The following HPSE2 variants were observed in gnomAD, a reference collection of about 807,000 sequenced individuals.
HPSE2 encodes the protein inactive heparanase-2.
HPSE2 carries 38 observed loss-of-function variants against 60.5 expected under a neutral mutation model. The ratio of observed to expected loss-of-function variants is 0.63; its 90% confidence interval spans 0.48 to 0.82. The LOEUF is 0.82. Among genes scored for constraint, HPSE2 ranks in the 40% least tolerant of loss-of-function variants. The pLI is 0.00. For synonymous variants in HPSE2, 295 were observed against 293.2 expected, an observed-to-expected ratio of 1.01 and a Z score of -0.06; for missense variants, 713 against 740.4, an observed-to-expected ratio of 0.96 and a Z score of 0.43.
intron 2 of HPSE2, among the ~76,000 whole-genome samples, chr10:99,197,693 A>G (rs1472872094): frequency 6.6e-6 from 1 of 152,226 alleles, no homozygotes; most frequent in Non-Finnish European, 1.5e-5. Flanking sequence ...AAGATAAACA[A>G]GACAGAGAGA....
intron 10 of HPSE2, 118 bp from the exon 11 acceptor site, chr10:98,482,900 T>C (rs1169979269): frequency 4.7e-6 from 5 of 1,070,198 alleles, no homozygotes; most frequent in South Asian, 1.3e-5. Context: ...ACTTAAAAAC[T>C]TGGCCACCAT....
At chr10:98,610,072 A>G (rs913698125) in intron 9 of HPSE2, among the ~76,000 whole-genome samples, 3 of 151,604 alleles carry the variant, frequency 2.0e-5, no homozygotes, top group Non-Finnish European at 4.4e-5. Context: ...CAATCCCCTG[A>G]CCTCGTGATC....
At chr10:98,947,315 C>CCTAT (rs1955215523) in intron 3 of HPSE2, among the ~76,000 whole-genome samples, 1 of 151,982 alleles carries the variant, frequency 6.6e-6, no homozygotes, top group Admixed American at 6.6e-5. Flanking sequence ...GAAAGGCATA[C>CCTAT]CTATAGACTA....
chr10:99,031,203 T>G (rs1287219871), intron 3 of HPSE2, among the ~76,000 whole-genome samples: 1 of 152,290 alleles, frequency 6.6e-6, no homozygotes, highest in Middle Eastern at 3.4e-3. Context: ...TTCTCCAAGA[T>G]GTGCTTATTT....
intron 9 of HPSE2, among the ~76,000 whole-genome samples, chr10:98,561,582 T>G (rs1320046354): frequency 1.3e-5 from 2 of 152,208 alleles, no homozygotes; most frequent in Non-Finnish European, 2.9e-5. Flanking sequence ...GTGCAGTGGC[T>G]CATGCCTATA....
chr10:98,600,891 ACG>A (rs1178747279), intron 9 of HPSE2, among the ~76,000 whole-genome samples: 9 of 46,890 alleles, frequency 1.9e-4, no homozygotes, highest in South Asian at 1.9e-3. Context: ...ATACATATAT[ACG>A]TATATATATG....
At chr10:98,696,127 CA>C (rs1184371428) in intron 5 of HPSE2, among the ~76,000 whole-genome samples, 1 of 151,826 alleles carries the variant, frequency 6.6e-6, no homozygotes, top group African/African-American at 2.4e-5. Context: ...AAAACCTAGA[CA>C]ATCTTAGACA....
At chr10:98,657,885 T>C (rs1162754579) in intron 6 of HPSE2, among the ~76,000 whole-genome samples, 1 of 152,216 alleles carries the variant, frequency 6.6e-6, no homozygotes, top group East Asian at 1.9e-4. Flanking sequence ...GTTGGTAAGG[T>C]TGAAAAATTA....
intron 3 of HPSE2, among the ~76,000 whole-genome samples, chr10:99,087,972 T>A (rs1373971961): frequency 6.6e-6 from 1 of 151,610 alleles, no homozygotes; most frequent in East Asian, 1.9e-4. Context: ...CCCCTTCTCA[T>A]TAATTCTCTA....
chr10:99,102,069 G>T (rs1163662173), intron 3 of HPSE2, among the ~76,000 whole-genome samples: 2 of 151,490 alleles, frequency 1.3e-5, no homozygotes. Context: ...ATCACAATTA[G>T]AACTAGAGAA....
At chr10:98,889,922 A>G (rs118004720) in intron 3 of HPSE2, among the ~76,000 whole-genome samples, 2,339 of 152,322 alleles carry the variant, frequency 0.015, 24 homozygotes, top group Middle Eastern at 0.058. Flanking sequence ...AGAATGGAGA[A>G]CTGCTATAAA....
chr10:99,294,403 A>C, the HPSE2 span, among the ~76,000 whole-genome samples: 2 of 146,426 alleles, frequency 1.4e-5, no homozygotes, highest in Middle Eastern at 3.3e-3. Context: ...ATAATATATA[A>C]ATATATAATA....
At chr10:98,563,782 T>G (rs561795003) in intron 9 of HPSE2, among the ~76,000 whole-genome samples, 1 of 152,116 alleles carries the variant, frequency 6.6e-6, no homozygotes, top group Non-Finnish European at 1.5e-5. Context: ...ACTAGGGTCA[T>G]TTTCAATATT....
chr10:98,774,418 T>C (rs189218807), intron 3 of HPSE2, among the ~76,000 whole-genome samples: 2 of 151,664 alleles, frequency 1.3e-5, no homozygotes, highest in Admixed American at 1.3e-4. Context: ...GTTTAAATGA[T>C]TGTGTCAGCT....
chr10:99,093,339 GA>G (rs200306721), intron 3 of HPSE2, among the ~76,000 whole-genome samples: 18 of 146,810 alleles, frequency 1.2e-4, no homozygotes, highest in South Asian at 6.5e-4. Context: ...ATATTTTCCT[GA>G]AAAAAAAAAC....
At chr10:99,272,318 A>G in the HPSE2 span, among the ~76,000 whole-genome samples, 1 of 152,070 alleles carries the variant, frequency 6.6e-6, no homozygotes, top group Non-Finnish European at 1.5e-5. Flanking sequence ...ACCTGAATCC[A>G]TAAAAATTCT....
chr10:98,889,488 G>A (rs577404102), intron 3 of HPSE2, among the ~76,000 whole-genome samples: 5 of 151,926 alleles, frequency 3.3e-5, no homozygotes, highest in African/African-American at 4.8e-5. Flanking sequence ...GATTACAGGC[G>A]TGAGCCACTG....
At chr10:99,098,721 T>C (rs2135628763) in intron 3 of HPSE2, among the ~76,000 whole-genome samples, 1 of 152,266 alleles carries the variant, frequency 6.6e-6, no homozygotes, top group East Asian at 1.9e-4. Flanking sequence ...AAGAAAAAAG[T>C]CACAGAATCA....
chr10:99,219,296 C>T (rs949396314), intron 2 of HPSE2, among the ~76,000 whole-genome samples: 2 of 152,204 alleles, frequency 1.3e-5, no homozygotes, highest in Non-Finnish European at 2.9e-5. Flanking sequence ...TTGGGGCCTA[C>T]TGCAAAGGGG....
Sources: allele counts gnomAD v4.1 joint callset (sites outside exome capture counted in the v4.1 genomes callset), GRCh38; gene constraint gnomAD v4.1.1; transcripts MANE v1.5; gene names NCBI Gene and HGNC (gene_info 2026-07-23, HGNC 2026-07-21).